VDAC1: variants seen among roughly 807,000 people sequenced by gnomAD.
VDAC1 encodes the protein voltage dependent anion channel 1.
Under a neutral mutation model 34.7 loss-of-function variants are expected in VDAC1, and 10 were observed. That is an observed-to-expected ratio of 0.29 (90% CI 0.18 to 0.49). The LOEUF (loss-of-function observed/expected upper bound fraction) is 0.49, where lower values mean the gene tolerates loss of function less well. VDAC1 is among the 20% of genes least tolerant of loss of function. The pLI is 0.99. For missense variants in VDAC1, 230 were observed against 347.9 expected, an observed-to-expected ratio of 0.66 and a Z score of 2.69; for synonymous variants, 130 against 136.0, an observed-to-expected ratio of 0.96 and a Z score of 0.30.
the VDAC1 span, among the ~76,000 whole-genome samples, chr5:134,021,589 G>A: frequency 6.6e-6 from 1 of 151,520 alleles, no homozygotes; most frequent in Admixed American, 6.6e-5. Flanking sequence ...GAAGCCTTCT[G>A]GGGAAATAAA....
the VDAC1 span, among the ~76,000 whole-genome samples, chr5:134,047,665 C>T: frequency 1.3e-5 from 2 of 152,232 alleles, no homozygotes; most frequent in Admixed American, 1.3e-4. Context: ...AGCTGCAACC[C>T]ATTGGGGTGT....
chr5:134,039,050 G>A, the VDAC1 span, among the ~76,000 whole-genome samples: 106 of 152,190 alleles, frequency 7.0e-4, 3 homozygotes, highest in East Asian at 0.017. Flanking sequence ...TTCATTACTC[G>A]CTGACCTCCA....
the VDAC1 span, among the ~76,000 whole-genome samples, chr5:134,041,469 A>G: frequency 0.018 from 2,735 of 152,318 alleles, 36 homozygotes; most frequent in Non-Finnish European, 0.028. Flanking sequence ...CTGATGGCCA[A>G]CGTCCTAGCA....
the VDAC1 span, among the ~76,000 whole-genome samples, chr5:134,064,934 G>A: frequency 6.6e-6 from 1 of 151,928 alleles, no homozygotes; most frequent in African/African-American, 2.4e-5. Flanking sequence ...TGCCCAGGTT[G>A]GTCTTGAACT....
the VDAC1 span, among the ~76,000 whole-genome samples, chr5:134,060,207 C>CTAA: frequency 6.6e-6 from 1 of 151,882 alleles, no homozygotes; most frequent in African/African-American, 2.4e-5. Flanking sequence ...TTCTTAGGAA[C>CTAA]TAATAATAAT....
chr5:134,094,348 G>A, the VDAC1 span, among the ~76,000 whole-genome samples: 6 of 152,200 alleles, frequency 3.9e-5, 1 homozygote, highest in East Asian at 1.9e-4. Context: ...GTAGCGGAAC[G>A]ACGACAGAGT....
intron 1 of VDAC1, among the ~76,000 whole-genome samples, chr5:134,001,715 TAAAAAAAAA>T (rs10717143): frequency 1.8e-5 from 2 of 110,480 alleles, no homozygotes; most frequent in East Asian, 2.6e-4. Context: ...AGACTCCATC[TAAAAAAAAA>T]AAAAAAAAAA....
At chr5:134,044,622 A>ACTAT in the VDAC1 span, among the ~76,000 whole-genome samples, 96,577 of 151,514 alleles carry the variant, frequency 0.64, 31,983 homozygotes, top group Admixed American at 0.75. Context: ...TGTGCACATA[A>ACTAT]CTGTGTGTGT....
the VDAC1 span, among the ~76,000 whole-genome samples, chr5:134,055,613 T>TTGTTTTTTG: frequency 4.5e-3 from 434 of 97,434 alleles, 4 homozygotes; most frequent in African/African-American, 0.013. Flanking sequence ...TTTTTTTTTT[T>TTGTTTTTTG]TTTTTTAGTA....
the VDAC1 span, among the ~76,000 whole-genome samples, chr5:134,017,240 G>A: frequency 6.6e-6 from 1 of 152,190 alleles, no homozygotes; most frequent in African/African-American, 2.4e-5. Context: ...GCTGAGGCGG[G>A]TGGATCACCT....
chr5:134,032,143 A>AAAAAAAAAAAAAAAAAAAAAAAC, the VDAC1 span, among the ~76,000 whole-genome samples: 1 of 149,392 alleles, frequency 6.7e-6, no homozygotes, highest in African/African-American at 2.5e-5. Context: ...AAAAAAAAAA[A>AAAAAAAAAAAAAAAAAAAAAAAC]AGCTACTCTG....
chr5:134,095,827 G>T, the VDAC1 span, among the ~76,000 whole-genome samples: 1 of 152,202 alleles, frequency 6.6e-6, no homozygotes, highest in Non-Finnish European at 1.5e-5. Flanking sequence ...CACTGTAAAT[G>T]CTCAATGGCC....
chr5:134,068,515 T>A, the VDAC1 span, among the ~76,000 whole-genome samples: 4 of 152,172 alleles, frequency 2.6e-5, no homozygotes, highest in African/African-American at 9.7e-5. Flanking sequence ...CTCAGCCCTT[T>A]GAAGATATTA....
intron 5 of VDAC1, among the ~76,000 whole-genome samples, chr5:133,983,378 A>C (rs1269723851): frequency 1.3e-5 from 2 of 152,088 alleles, no homozygotes. Flanking sequence ...GCTGAAATTA[A>C]GTGTTGTTAT....
chr5:134,010,491 G>A, the VDAC1 span, among the ~76,000 whole-genome samples: 3 of 151,990 alleles, frequency 2.0e-5, no homozygotes, highest in Non-Finnish European at 4.4e-5. Context: ...CCAGCTACTC[G>A]GGAGGCTGAA....
the VDAC1 span, among the ~76,000 whole-genome samples, chr5:134,078,322 A>T: frequency 4.6e-5 from 7 of 152,092 alleles, no homozygotes; most frequent in Non-Finnish European, 1.0e-4. Context: ...GGGGCAGGAC[A>T]GGGGGGAGGC....
At position 133,972,490 on chromosome 5, in the gene VDAC1, G is replaced by A. The variant is rs576960114; in HGVS notation, c.*281C>T. The A allele has an allele frequency of 1.3e-4, 58 of 462,036 alleles. No homozygotes were observed. Among genetic ancestry groups the A allele is most frequent in the Middle Eastern group, 1.1e-3 (2 of 1,798 alleles). 28.6% of individuals were successfully genotyped at this position (462,036 alleles called of 1,614,324 possible). On this transcript the variant is annotated 3_prime_UTR_variant, in exon 9 of 9. Coordinates refer to ENST00000265333, the MANE Select transcript of VDAC1 (RefSeq NM_003374.3). ...TTTACAAAGTGCCTACATATTATCCGCTTCCACTTGCAGCCATTTCTAGAT... is the reference window on the plus strand; with the variant it reads ...TTTACAAAGTGCCTACATATTATCCACTTCCACTTGCAGCCATTTCTAGAT...
chr5:134,094,683 G>C, the VDAC1 span, among the ~76,000 whole-genome samples: 1 of 135,018 alleles, frequency 7.4e-6, no homozygotes, highest in East Asian at 2.2e-4. Context: ...GGTGAAGAGT[G>C]AGACTCCGTC....
the VDAC1 span, among the ~76,000 whole-genome samples, chr5:134,055,872 C>A: frequency 2.0e-5 from 3 of 151,956 alleles, no homozygotes; most frequent in African/African-American, 7.3e-5. Context: ...CCTTCCAGAC[C>A]TTTCCTATGG....
Sources: gnomAD v4.1 joint callset for allele counts (sites outside exome capture counted in the v4.1 genomes callset) on GRCh38, gnomAD v4.1.1 for gene constraint, MANE v1.5 for transcripts, NCBI Gene and HGNC (gene_info 2026-07-23, HGNC 2026-07-21) for gene names.